PCDHGA4: variants seen among roughly 807,000 people sequenced by gnomAD.
PCDHGA4 encodes protocadherin gamma-A4.
In PCDHGA4, 38 loss-of-function variants were observed where a neutral mutation model predicts 54.6. The observed-to-expected ratio is 0.70, with a 90% confidence interval of 0.54 to 0.91. The LOEUF (loss-of-function observed/expected upper bound fraction) is 0.91, where lower values mean the gene tolerates loss of function less well. Among genes scored for constraint, PCDHGA4 ranks in the 40% least tolerant of loss-of-function variants. The pLI, the probability that PCDHGA4 is intolerant of heterozygous loss-of-function variation, is 0.00. For synonymous variants in PCDHGA4, 511 were observed against 512.9 expected (o/e 1.00, Z 0.05); for missense variants, 1,298 against 1,220.9 (o/e 1.06, Z -0.94).
chr5:141,403,405 T>A, intron 1 of PCDHGA4: 4 of 1,614,060 alleles, frequency 2.5e-6, no homozygotes, highest in Non-Finnish European at 3.4e-6. Flanking sequence ...CTGGAGCACG[T>A]TATCCACTTC....
chr5:141,456,814 ATTAGCCATCGTGG>A (rs2098889077), intron 1 of PCDHGA4, among the ~76,000 whole-genome samples: 1 of 151,928 alleles, frequency 6.6e-6, no homozygotes, highest in Non-Finnish European at 1.5e-5. Context: ...AATACAAAAA[ATTAGCCATCGTGG>A]TAGTGGGCGC....
rs143530538 is a variant in PCDHGA4 at position 141,490,323 on chromosome 5, G to A, written c.2515-4484G>A. 18 of 1,614,102 alleles carry A rather than the reference G, an allele frequency of 1.1e-5. No individual in the cohort carries two copies. Among genetic ancestry groups the A allele is most frequent in the Non-Finnish European group, 1.4e-5 (17 of 1,180,056 alleles). ...CCTCTTTGGCCAACCCTGTCCTAGA[G>A]AGCACACCAGTGGGCACAGTAGTGG... On this transcript the variant is annotated intron_variant, in intron 1 of 3. Transcript: ENST00000571252. This position sits in a 1 kb window ranked among gnomAD's most constrained non-coding sequence, Gnocchi z 5.4.
chr5:141,392,268 A>G (rs2150475407), intron 1 of PCDHGA4: 1 of 152,374 alleles, frequency 6.6e-6, no homozygotes, highest in South Asian at 2.1e-4. Context: ...GACATTTACA[A>G]TAAAGCTTAG....
intron 1 of PCDHGA4, chr5:141,395,410 A>G: frequency 1.2e-6 from 1 of 801,764 alleles, no homozygotes; most frequent in Non-Finnish European, 1.9e-6. Context: ...GTCATAGGTT[A>G]TTGTTTCATT....
rs115237553 is a variant in PCDHGA4, at chr5:141,476,478, T to A, written c.2515-18329T>A. 1.3e-4 allele frequency: 203 copies of A among 1,613,844 alleles called. 2 individuals are homozygous for A. The African/African-American group carries it at 2.5e-3, about 20-fold the overall frequency. Reference sequence around the variant, plus strand: ...GAGAACCCGCTGGAGCTGTTCAGCGTGGAAGTGGTGATCCAGGACATCAAC... The same window carrying A: ...GAGAACCCGCTGGAGCTGTTCAGCGAGGAAGTGGTGATCCAGGACATCAAC... On this transcript the variant is annotated intron_variant, in intron 1 of 3. Transcript: ENST00000571252. The surrounding 1 kb of genome is among the most constrained non-coding windows in gnomAD (Gnocchi z 7.6).
chr5:141,414,475 C>T (rs2095752413), intron 1 of PCDHGA4: 1 of 1,613,804 alleles, frequency 6.2e-7, no homozygotes, highest in Non-Finnish European at 8.5e-7. Flanking sequence ...TGGGGGAAGT[C>T]CTCCTCTATC....
intron 1 of PCDHGA4, chr5:141,422,369 G>A (rs890803753): frequency 6.4e-7 from 1 of 1,566,400 alleles, no homozygotes; most frequent in Non-Finnish European, 8.6e-7. Flanking sequence ...GGAGAAAATG[G>A]TCAAGTCTCC....
Position 141,491,743 on chromosome 5 carries a change from A to G in PCDHGA4, c.2515-3064A>G, listed in dbSNP as rs752434173. ...GCCCCGGGCGACCCCTGGGGGCGGC[A>G]CTGGAGAAGCCGCCCGTCCTCATAA... On this transcript the variant is annotated intron_variant, in intron 1 of 3. Transcript: ENST00000571252. The surrounding 1 kb of genome is among the most constrained non-coding windows in gnomAD (Gnocchi z 6.9). 5.0e-6 allele frequency: 8 copies of G among 1,595,570 alleles called. No individual in the cohort carries two copies. In the Admixed American group the frequency reaches 1.4e-4, roughly 28 times the overall value.
intron 1 of PCDHGA4, chr5:141,359,900 G>T: frequency 2.5e-6 from 1 of 399,574 alleles, no homozygotes; most frequent in Non-Finnish European, 4.4e-6. Context: ...ATATTGACAA[G>T]CCATTAGTGC....
chr5:141,418,916 T>C (rs766021059), intron 1 of PCDHGA4: 26 of 1,613,830 alleles, frequency 1.6e-5, no homozygotes, highest in Non-Finnish European at 1.7e-6. Context: ...CACGTCACTC[T>C]CTGATCAGAT....
intron 1 of PCDHGA4, among the ~76,000 whole-genome samples, chr5:141,369,547 A>G (rs1766330470): frequency 6.6e-6 from 1 of 152,196 alleles, no homozygotes; most frequent in Non-Finnish European, 1.5e-5. Context: ...TTAAAAGTAG[A>G]CACTTGGAAA....
At chr5:141,405,359 GAC>G in intron 1 of PCDHGA4, 1 of 1,614,018 alleles carries the variant, frequency 6.2e-7, no homozygotes, top group Admixed American at 1.7e-5. Context: ...TCCTATAGAA[GAC>G]ACCCCTTTGG....
At chr5:141,415,135 G>A (rs1224251849) in intron 1 of PCDHGA4, 7 of 1,613,666 alleles carry the variant, frequency 4.3e-6, no homozygotes, top group East Asian at 2.2e-5. Flanking sequence ...CCAGGACCAC[G>A]GCCAGCCCCC....
chr5:141,510,015 A>G (rs2099879210), intron 3 of PCDHGA4, among the ~76,000 whole-genome samples: 1 of 152,210 alleles, frequency 6.6e-6, no homozygotes, highest in Non-Finnish European at 1.5e-5. Flanking sequence ...GTCATACCAC[A>G]TAGCTGGCTG....
rs574905149 is a variant in PCDHGA4 at position 141,400,501 on chromosome 5, G to C, written c.2514+42880G>C. 1 of 1,613,878 alleles carries C rather than the reference G, an allele frequency of 6.2e-7. No homozygotes were observed. The highest frequency in any genetic ancestry group is 1.7e-5 in the Admixed American group (1 of 60,012). On this transcript the variant is annotated intron_variant, in intron 1 of 3. Transcript: ENST00000571252. ...CTTATTTCCACTTTGTAATTCCAGC[G>C]AGTCGACTTCCCATCCTGAGTTGGT...
In PCDHGA4 at chr5:141,389,708, G is replaced by C. The variant is rs773973967; in HGVS notation, c.2514+32087G>C. On this transcript the variant is annotated intron_variant, in intron 1 of 3. Coordinates refer to ENST00000571252, the MANE Select transcript of PCDHGA4 (RefSeq NM_018917.4). ...CCTGGCTGTCCTACCACGTGCTGCA[G>C]GCTAGCGAGCCCGGGCTCTTCAGCC... The C allele has an allele frequency of 4.3e-6, 7 of 1,612,610 alleles. No homozygotes were observed. In the South Asian group the frequency reaches 7.7e-5, roughly 18 times the overall value.
chr5:141,390,513 A>G lies in PCDHGA4; in HGVS notation c.2514+32892A>G. ...TTTTTAGCCAAGCTTAGATTTATAA[A>G]GCAATGAGGGTGTGGTTTTAACCAC... is the stretch of plus-strand genomic sequence containing the variant. On this transcript the variant is annotated intron_variant, in intron 1 of 3. Coordinates refer to ENST00000571252, the MANE Select transcript of PCDHGA4 (RefSeq NM_018917.4). The G allele has an allele frequency of 1.0e-5, 6 of 581,214 alleles. No homozygotes were observed. The South Asian group carries it at 1.1e-4, about 10-fold the overall frequency. The allele number at this position is 581,214 out of a possible 1,614,324, so 36.0% of individuals were successfully genotyped here.
chr5:141,370,315 G>C, intron 1 of PCDHGA4: 1 of 1,276,896 alleles, frequency 7.8e-7, no homozygotes, highest in South Asian at 1.6e-5. Context: ...GCAAATAGTT[G>C]GTCCTGCTCG....
At chr5:141,433,546 T>C (rs1317735935) in intron 1 of PCDHGA4, among the ~76,000 whole-genome samples, 1 of 152,090 alleles carries the variant, frequency 6.6e-6, no homozygotes, top group Non-Finnish European at 1.5e-5. Context: ...TATCAGATAT[T>C]CTTTTCTGGC....
Sources: gnomAD v4.1 joint callset for allele counts (sites outside exome capture counted in the v4.1 genomes callset) on GRCh38, gnomAD v4.1.1 for gene constraint, Gnocchi (gnomAD v3.1) non-coding constraint, MANE v1.5 for transcripts, NCBI Gene and HGNC (gene_info 2026-07-23, HGNC 2026-07-21) for gene names.